The following CYP27C1 variants were observed in gnomAD, a reference collection of about 807,000 sequenced individuals.
CYP27C1 encodes cytochrome P450 27C1.
In CYP27C1, 29 loss-of-function variants were observed where a neutral mutation model predicts 40.6. The ratio of observed to expected loss-of-function variants is 0.71; its 90% CI spans 0.53 to 0.97. CYP27C1 has a LOEUF of 0.97. Among genes scored for constraint, CYP27C1 ranks in the 50% least tolerant of loss-of-function variants. CYP27C1 has a pLI of 0.00. For missense variants in CYP27C1, 390 were observed against 485.8 expected, an observed-to-expected ratio of 0.80 and a Z score of 1.85; for synonymous variants, 198 against 186.8, an observed-to-expected ratio of 1.06 and a Z score of -0.49.
At chr2:127,197,940 C>A (rs1682941982) in intron 5 of CYP27C1, among the ~76,000 whole-genome samples, 2 of 152,234 alleles carry the variant, frequency 1.3e-5, no homozygotes, top group East Asian at 3.9e-4. Context: ...ACGCGCTGCT[C>A]TGTGTTCGCA....
In CYP27C1 at chr2:127,218,702, TG is replaced by T. The variant is rs1683490060; in HGVS notation, c.282+1286del. ...GGTGGGTAGTTAGAAGAGGCTTCGA[TG>T]GAGAAGGGTCTCGAAAGACCGGAAC... is the stretch of plus-strand genomic sequence containing the variant. On this transcript the variant is annotated intron_variant, in intron 1 of 8. Coordinates refer to ENST00000664447, the MANE Select transcript of CYP27C1 (RefSeq NM_001367502.1). This position sits in a 1 kb window ranked among gnomAD's most constrained non-coding sequence, Gnocchi z 6.0. Among the ~76,000 whole-genome samples the T allele has an allele frequency of 6.6e-6, 1 of 152,150 alleles. No individual in the cohort carries two copies. The highest frequency in any genetic ancestry group is 1.5e-5 in the Non-Finnish European group (1 of 68,036).
rs908623457 is a variant in CYP27C1 at position 127,186,338 on chromosome 2, C to T, written c.*933G>A. On this transcript the variant is annotated 3_prime_UTR_variant, in exon 9 of 9. Transcript: ENST00000664447. The surrounding 1 kb of genome is among the most constrained non-coding windows in gnomAD (Gnocchi z 4.5). ...CATTATGACTAGAAAATTAAGCACT[C>T]GTTGTGGAGAGAAAAGTATTCTTAT... 3 of 151,110 alleles carry T rather than the reference C, an allele frequency of 2.0e-5. No individual in the cohort carries two copies. The highest frequency in any genetic ancestry group is 2.0e-4 in the Admixed American group (3 of 15,206). The allele number at this position is 151,110 out of a possible 1,614,324, so 9.4% of individuals were successfully genotyped here. A position where few individuals can be genotyped will look rare whatever the true frequency, so the allele number is the denominator to read the frequency against.
Position 127,187,000 on chromosome 2 carries a change from G to C in CYP27C1, c.*271C>G. On this transcript the variant is annotated 3_prime_UTR_variant, in exon 9 of 9. Coordinates refer to ENST00000664447, the MANE Select transcript of CYP27C1 (RefSeq NM_001367502.1). The surrounding 1 kb of genome is among the most constrained non-coding windows in gnomAD (Gnocchi z 4.5). ...CATTAAATATTGAGTCTAGCACAAT[G>C]TATGAAGCATAAAAATTCACTGCCA... 1 of 424,562 alleles carries C rather than the reference G, an allele frequency of 2.4e-6. No individual in the cohort carries two copies. The highest frequency in any genetic ancestry group is 4.3e-5 in the East Asian group (1 of 23,464). The allele number at this position is 424,562 out of a possible 1,614,324, so 26.3% of individuals were successfully genotyped here.
chr2:127,203,697 T>A, intron 2 of CYP27C1, 126 bp from the exon 3 acceptor site: 3 of 955,358 alleles, frequency 3.1e-6, no homozygotes, highest in Non-Finnish European at 4.6e-6. Context: ...AAAGTAGAAT[T>A]AAGACAGGAA....
At chr2:127,212,512 A>C (rs142957602) in intron 1 of CYP27C1, among the ~76,000 whole-genome samples, 2,531 of 152,356 alleles carry the variant, frequency 0.017, 80 homozygotes, top group African/African-American at 0.058. Context: ...CTGTTTTAAC[A>C]TACACAAATC....
intron 5 of CYP27C1, among the ~76,000 whole-genome samples, 158 bp downstream of exon 5, chr2:127,199,218 C>T (rs534351471): frequency 2.0e-5 from 3 of 152,302 alleles, no homozygotes; most frequent in Admixed American, 1.3e-4. Context: ...ACCTGAGAGG[C>T]AGAGGTTGCA....
At chr2:127,190,938 T>C in intron 8 of CYP27C1, among the ~76,000 whole-genome samples, 1 of 116,040 alleles carries the variant, frequency 8.6e-6, no homozygotes. Flanking sequence ...AGGGTGAGAC[T>C]CTGAAAAAAA....
rs923467068 is a variant in CYP27C1, at chr2:127,200,004, G to C, written c.884-465C>G. Among the ~76,000 whole-genome samples the C allele has an allele frequency of 2.0e-5, 3 of 152,288 alleles. No homozygotes were observed. The highest frequency in any genetic ancestry group is 3.4e-3 in the Middle Eastern group (1 of 294). On this transcript the variant is annotated intron_variant, in intron 4 of 8. Transcript: ENST00000664447. This position sits in a 1 kb window ranked among gnomAD's most constrained non-coding sequence, Gnocchi z 4.2. ...TGGTTGTTGTTGTTTCCTTAAGACA[G>C]AGGCTCGCTCTGTGGCCCAGGCTGG...
At chr2:127,190,271 T>C (rs373148054) in intron 8 of CYP27C1, among the ~76,000 whole-genome samples, 11 of 150,006 alleles carry the variant, frequency 7.3e-5, no homozygotes, top group Non-Finnish European at 1.2e-4. Context: ...TAAAAAAAAA[T>C]AAACTCCTGT....
chr2:127,207,320 C>G (rs1293636167), intron 1 of CYP27C1, among the ~76,000 whole-genome samples: 1 of 152,160 alleles, frequency 6.6e-6, no homozygotes, highest in Non-Finnish European at 1.5e-5. Context: ...CATGGTGAAA[C>G]CCCATTTCTA....
chr2:127,192,219 C>T (rs1257760746), intron 8 of CYP27C1, among the ~76,000 whole-genome samples: 1 of 152,122 alleles, frequency 6.6e-6, no homozygotes, highest in Non-Finnish European at 1.5e-5. Flanking sequence ...TTCTGAGCCT[C>T]GGTTTCCTCA....
chr2:127,199,667 A>G (rs758380450), intron 4 of CYP27C1, 128 bp from the exon 5 acceptor site: 42 of 901,390 alleles, frequency 4.7e-5, no homozygotes, highest in Non-Finnish European at 6.4e-5. Context: ...AGGAAACCCA[A>G]TTTATCTAAC....
intron 1 of CYP27C1, among the ~76,000 whole-genome samples, chr2:127,211,369 G>GTTTTTTTTTTTTTTTTTTTTT (rs371826841): frequency 1.1e-5 from 1 of 94,940 alleles, no homozygotes; most frequent in Admixed American, 1.1e-4. Context: ...GTGTTTTTTT[G>GTTTTTTTTTTTTTTTTTTTTT]TTTTTTTTTT....
In CYP27C1 at chr2:127,184,358, C is replaced by T. The variant is rs1449105914; in HGVS notation, c.*2913G>A. The T allele has an allele frequency of 1.3e-5, 2 of 151,678 alleles. No individual in the cohort carries two copies. Among genetic ancestry groups the T allele is most frequent in the Non-Finnish European group, 2.9e-5 (2 of 67,956 alleles). 9.4% of individuals were successfully genotyped at this position (151,678 alleles called of 1,614,324 possible). On this transcript the variant is annotated 3_prime_UTR_variant, in exon 9 of 9. Transcript: ENST00000664447. ...GCATTGTACTTGGTTAATATGTCTC[C>T]TATATTGCTTCATCTGTAACAGTTC...
At chr2:127,193,443 C>G in intron 7 of CYP27C1, 146 bp from the exon 8 acceptor site, 1 of 864,932 alleles carries the variant, frequency 1.2e-6, no homozygotes, top group Non-Finnish European at 1.8e-6. Flanking sequence ...ATGGCAGCCG[C>G]TCCCCCCTTC....
At position 127,199,538 on chromosome 2, in the gene CYP27C1, G is replaced by T. The variant is rs779961606; in HGVS notation, c.885C>A (p.Ser295Arg). ...CRSWDGLFKFSQIHVDNKLRD... is the reference protein window; with the variant it reads ...CRSWDGLFKFRQIHVDNKLRD... ...TCAACTTGTTGTCAACATGAATTTG[G>T]CCTGTTTGAAAACAGTATTTCTTTT... is the stretch of plus-strand genomic sequence containing the variant. The change falls in exon 5 of 9, where the codon AGC (serine) becomes AGA (arginine). Residue 295 changes from serine (S) to arginine (R), a missense_variant and splice_region_variant. By Grantham distance (110) the Ser-to-Arg change is moderately radical. Transcript: ENST00000664447. 1.2e-6 allele frequency: 2 copies of T among 1,612,324 alleles called. No homozygotes were observed. Among genetic ancestry groups the T allele is most frequent in the African/African-American group, 2.7e-5 (2 of 74,856 alleles).
rs1429833105 is a variant in CYP27C1, at chr2:127,218,971, C to A, written c.282+1018G>T. On this transcript the variant is annotated intron_variant, in intron 1 of 8. Transcript: ENST00000664447. The surrounding 1 kb of genome is among the most constrained non-coding windows in gnomAD (Gnocchi z 6.0). ...CCAAGTGGGAAGCGTGCGGAATTCG[C>A]CGGCCCCAACGCCCTAGCGGGTGGC... Among the ~76,000 whole-genome samples the A allele has an allele frequency of 6.6e-6, 1 of 152,144 alleles. No individual in the cohort carries two copies. The highest frequency in any genetic ancestry group is 6.5e-5 in the Admixed American group (1 of 15,282).
At chr2:127,204,488 GGA>G (rs1683145998) in intron 2 of CYP27C1, among the ~76,000 whole-genome samples, 2 of 46,732 alleles carry the variant, frequency 4.3e-5, no homozygotes, top group Admixed American at 3.8e-4. Flanking sequence ...AAGAAAGAAA[GGA>G]AGGAAGGAAG....
chr2:127,197,143 G>A (rs925874437), intron 5 of CYP27C1, among the ~76,000 whole-genome samples: 6 of 152,184 alleles, frequency 3.9e-5, no homozygotes, highest in Non-Finnish European at 5.9e-5. Flanking sequence ...GCTCAGCGAC[G>A]AAGCCATTCA....
Sources: gnomAD v4.1 joint callset for allele counts (sites outside exome capture counted in the v4.1 genomes callset) on GRCh38, gnomAD v4.1.1 for gene constraint, Gnocchi (gnomAD v3.1) non-coding constraint, MANE v1.5 for transcripts, NCBI Gene and HGNC (gene_info 2026-07-23, HGNC 2026-07-21) for gene names.